NUP153: variants seen among roughly 807,000 people sequenced by gnomAD.
NUP153 encodes the protein nuclear pore complex protein Nup153.
Under a neutral mutation model 134.6 loss-of-function variants are expected in NUP153, and 27 were observed. That is an observed-to-expected ratio of 0.20 (90% CI 0.15 to 0.28). NUP153 has a LOEUF of 0.28. Among genes scored for constraint, NUP153 ranks in the 10% least tolerant of loss-of-function variants. NUP153 has a pLI of 1.00. For missense variants in NUP153, 1,821 were observed against 1,731.3 expected (o/e 1.05, Z -0.92); for synonymous variants, 640 against 623.5 (o/e 1.03, Z -0.40).
intron 13 of NUP153, 113 bp downstream of exon 13, chr6:17,647,694 A>C (rs1561872942): frequency 8.5e-6 from 6 of 706,658 alleles, no homozygotes; most frequent in Non-Finnish European, 2.4e-6. Context: ...GTATTTTTTA[A>C]GTTGGAAGAA....
At chr6:17,641,801 G>C (rs546264375) in intron 14 of NUP153, among the ~76,000 whole-genome samples, 1 of 151,600 alleles carries the variant, frequency 6.6e-6, no homozygotes, top group East Asian at 2.0e-4. Flanking sequence ...GCAGTGAAAC[G>C]AGCTTGCACA....
Position 17,676,447 on chromosome 6 carries a change from C to T in NUP153, c.335-677G>A, listed in dbSNP as rs531993806. ...AAATATTATGCTTTAGAATTTAATGCGTGTTGAAGTTACTCCACCCCACCT... is the reference window on the plus strand; with the variant it reads ...AAATATTATGCTTTAGAATTTAATGTGTGTTGAAGTTACTCCACCCCACCT... On this transcript the variant is annotated intron_variant, in intron 2 of 21. Transcript: ENST00000262077. 7.5e-4 allele frequency among the ~76,000 whole-genome samples: 106 copies of T among 141,658 alleles called. 1 individual carries two copies. The East Asian group carries it at 0.021, about 28-fold the overall frequency. 92.9% of individuals were successfully genotyped at this position (141,658 alleles called of 152,430 possible).
At chr6:17,662,524 T>C (rs1053722685) in intron 9 of NUP153, among the ~76,000 whole-genome samples, 6 of 152,190 alleles carry the variant, frequency 3.9e-5, no homozygotes, top group Non-Finnish European at 7.3e-5. Flanking sequence ...GCCTGAATTA[T>C]CTTATAATAT....
chr6:17,653,749 C>T (rs1766640532), intron 11 of NUP153, among the ~76,000 whole-genome samples: 1 of 152,148 alleles, frequency 6.6e-6, no homozygotes, highest in South Asian at 2.1e-4. Context: ...CGGCAACTGA[C>T]TGAGAAGGAG....
At chr6:17,697,492 C>T (rs974917490) in intron 1 of NUP153, among the ~76,000 whole-genome samples, 1 of 152,198 alleles carries the variant, frequency 6.6e-6, no homozygotes, top group African/African-American at 2.4e-5. Flanking sequence ...TCAAGACAAG[C>T]CTGGCCAACA....
Position 17,629,356 on chromosome 6 carries a change from T to C in NUP153, c.2843A>G (p.Glu948Gly). 6.2e-7 allele frequency: 1 copy of C among 1,611,322 alleles called. No individual in the cohort carries two copies. Residue 948 changes from glutamate to glycine, a missense_variant, in exon 18 of 22, where the codon GAA (glutamate) becomes GGA (glycine). Coordinates refer to ENST00000262077, the MANE Select transcript of NUP153 (RefSeq NM_005124.4). ...TATTGGTTTAGAAAATTTAAAGCCT[T>C]CACTCATGGGGTTTATAGACCCAGA... is the stretch of plus-strand genomic sequence containing the variant. ...SDSGSINPMS[E>G]GFKFSKPIGD...
At position 17,615,072 on chromosome 6, in the gene NUP153, T is replaced by C. The variant is rs938372487; in HGVS notation, c.*1025A>G. 17 of 152,688 alleles carry C rather than the reference T, an allele frequency of 1.1e-4. 1 individual carries two copies. Among genetic ancestry groups the C allele is most frequent in the Admixed American group, 1.0e-3 (16 of 15,286 alleles). 9.5% of individuals were successfully genotyped at this position (152,688 alleles called of 1,614,324 possible). ...TTTTTTATTGATGGCATTTATCCCA[T>C]GGTTTAACATGTTAATTATACTGTA... On this transcript the variant is annotated 3_prime_UTR_variant, in exon 22 of 22. Coordinates refer to ENST00000262077, the MANE Select transcript of NUP153 (RefSeq NM_005124.4). This position sits in a 1 kb window ranked among gnomAD's most constrained non-coding sequence, Gnocchi z 5.7.
Position 17,616,086 on chromosome 6 carries a change from C to G in NUP153, c.*11G>C. The stretch of plus-strand genomic sequence containing the variant: ...CTGTTGTTAAAATTGAGTACAACAC[C>G]AATGTGACCTTTATTTCCTGCGTCT... On this transcript the variant is annotated 3_prime_UTR_variant, in exon 22 of 22. Transcript: ENST00000262077. 6.3e-7 allele frequency: 1 copy of G among 1,592,384 alleles called. No individual in the cohort carries two copies. Among genetic ancestry groups the G allele is most frequent in the Non-Finnish European group, 8.6e-7 (1 of 1,160,324 alleles).
At chr6:17,684,960 G>A (rs1039124140) in intron 2 of NUP153, among the ~76,000 whole-genome samples, 4 of 152,088 alleles carry the variant, frequency 2.6e-5, no homozygotes, top group Admixed American at 2.6e-4. Flanking sequence ...ATACCAAAGA[G>A]CACTGATCAC....
intron 11 of NUP153, among the ~76,000 whole-genome samples, chr6:17,654,358 G>A (rs542827431): frequency 7.4e-5 from 11 of 148,418 alleles, no homozygotes; most frequent in Non-Finnish European, 1.5e-4. Flanking sequence ...TTTCGATCTT[G>A]TTGCCCGGGC....
At position 17,675,288 on chromosome 6, in the gene NUP153, T is replaced by G. The variant is rs756922360; in HGVS notation, c.664A>C (p.Thr222Pro). 6.2e-7 allele frequency: 1 copy of G among 1,614,136 alleles called. No individual in the cohort carries two copies. The highest frequency in any genetic ancestry group is 8.5e-7 in the Non-Finnish European group (1 of 1,180,012). The change falls in exon 4 of 22, where the codon ACT becomes CCT. Residue 222 changes from threonine to proline, a missense_variant. Physicochemically the swap from Thr to Pro is conservative, Grantham distance 38. Coordinates refer to ENST00000262077, the MANE Select transcript of NUP153 (RefSeq NM_005124.4). This position sits in a 1 kb window ranked among gnomAD's most constrained non-coding sequence, Gnocchi z 4.4. ...AERSHSLSQH[T>P]ATSSKKPAFN... ...GCTGGTTTTTTTGAGCTGGTGGCAGTGTGCTGTGAGAGTGAGTGAGAACGT... is the reference window on the plus strand; with the variant it reads ...GCTGGTTTTTTTGAGCTGGTGGCAGGGTGCTGTGAGAGTGAGTGAGAACGT...
chr6:17,641,530 T>C (rs952348051), intron 14 of NUP153, among the ~76,000 whole-genome samples: 1 of 150,960 alleles, frequency 6.6e-6, no homozygotes, highest in Non-Finnish European at 1.5e-5. Context: ...CGAGACTCCG[T>C]CTCAAAAACA....
intron 15 of NUP153, among the ~76,000 whole-genome samples, chr6:17,639,317 G>A (rs1346348100): frequency 6.6e-6 from 1 of 152,042 alleles, no homozygotes; most frequent in South Asian, 2.1e-4. Flanking sequence ...GGCCTCAAGT[G>A]ATCTGCCCGT....
At chr6:17,644,620 A>G (rs895556561) in intron 14 of NUP153, among the ~76,000 whole-genome samples, 1 of 152,126 alleles carries the variant, frequency 6.6e-6, no homozygotes, top group Non-Finnish European at 1.5e-5. Flanking sequence ...TGATTTTCCC[A>G]AACACTTAAA....
chr6:17,677,756 G>C (rs1332411338), intron 2 of NUP153, among the ~76,000 whole-genome samples: 2 of 126,562 alleles, frequency 1.6e-5, no homozygotes, highest in Non-Finnish European at 3.1e-5. Context: ...TTTTGAGACA[G>C]TCTCACTCTG....
At chr6:17,662,210 A>G (rs906268511) in intron 9 of NUP153, 140 bp from the exon 10 acceptor site, 7 of 719,308 alleles carry the variant, frequency 9.7e-6, no homozygotes, top group Non-Finnish European at 1.6e-5. Context: ...ATTTGAAATT[A>G]CACCCTGCCT....
chr6:17,681,369 G>A (rs559715901), intron 2 of NUP153, among the ~76,000 whole-genome samples: 10 of 150,230 alleles, frequency 6.7e-5, no homozygotes, highest in South Asian at 2.1e-4. Context: ...GGCGGATCAC[G>A]AGGTCAGGAG....
intron 20 of NUP153, among the ~76,000 whole-genome samples, chr6:17,621,798 A>C (rs1258080736): frequency 6.6e-6 from 1 of 152,210 alleles, no homozygotes; most frequent in Non-Finnish European, 1.5e-5. Flanking sequence ...GTTAACAATA[A>C]TTTATTGTAC....
intron 14 of NUP153, 50 bp downstream of exon 14, chr6:17,646,017 C>G: frequency 1.4e-6 from 1 of 739,582 alleles, no homozygotes; most frequent in East Asian, 2.7e-5. Flanking sequence ...AAATACTAAT[C>G]TACTGTATGC....
Sources: gnomAD v4.1 joint callset for allele counts (sites outside exome capture counted in the v4.1 genomes callset) on GRCh38, gnomAD v4.1.1 for gene constraint, Gnocchi (gnomAD v3.1) non-coding constraint, MANE v1.5 for transcripts, NCBI Gene and HGNC (gene_info 2026-07-23, HGNC 2026-07-21) for gene names.